DNAH12: variants seen among roughly 807,000 people sequenced by gnomAD.
The protein encoded by DNAH12 is dynein axonemal heavy chain 12.
A neutral mutation model predicts 371.5 loss-of-function variants in DNAH12; 285 were observed. The observed-to-expected ratio is 0.77, with a 90% CI of 0.70 to 0.85. DNAH12 has a LOEUF of 0.85. DNAH12 is among the 40% of genes least tolerant of loss of function. The probability of loss-of-function intolerance (pLI) is 0.00; values close to 1 mark genes in which losing one functional copy is unlikely to be tolerated. For missense variants in DNAH12, 3,611 were observed against 3,689.4 expected, an observed-to-expected ratio of 0.98 and a Z score of 0.55; for synonymous variants, 1,200 against 1,213.0, an observed-to-expected ratio of 0.99 and a Z score of 0.22.
chr3:57,419,502 C>A lies in DNAH12; in HGVS notation c.5579G>T (p.Arg1860Leu), dbSNP rs916811290. The A allele has an allele frequency of 7.7e-6, 11 of 1,431,990 alleles. No homozygotes were observed. Among genetic ancestry groups the A allele is most frequent in the East Asian group, 2.8e-5 (1 of 35,532 alleles). The allele number at this position is 1,431,990 out of a possible 1,614,324, so 88.7% of individuals were successfully genotyped here. A position where few individuals can be genotyped will look rare whatever the true frequency, so the allele number is the denominator to read the frequency against. The change falls in exon 37 of 74, where the codon CGC (arginine) becomes CTC (leucine). Residue 1860 changes from arginine to leucine, a missense_variant. Around this residue, in one of 3 missense-constraint regions of DNAH12, gnomAD observed 2,266 missense variants for 2,236.9 expected, o/e 1.01. Coordinates refer to ENST00000495027, the MANE Select transcript of DNAH12 (RefSeq NM_001366028.2). Reference protein sequence around the residue: ...DYMYELKNKGRWVHWNELIKN... With the variant: ...DYMYELKNKGLWVHWNELIKN... The stretch of plus-strand genomic sequence containing the variant: ...AATTAATTCATTCCAATGGACCCAG[C>A]GACCTTTGTTTTTCAACTACAAGAA...
intron 25 of DNAH12, among the ~76,000 whole-genome samples, chr3:57,451,962 G>A (rs1022382834): frequency 4.6e-5 from 7 of 152,138 alleles, no homozygotes; most frequent in African/African-American, 1.7e-4. Flanking sequence ...GTCAAGCTGC[G>A]TACTTGATCT....
chr3:57,312,752 T>C (rs919380404), intron 66 of DNAH12, among the ~76,000 whole-genome samples: 3 of 152,216 alleles, frequency 2.0e-5, no homozygotes, highest in African/African-American at 7.2e-5. Context: ...AACCAATGTT[T>C]AAAATCAACG....
chr3:57,458,036 G>A (rs2065950952), intron 21 of DNAH12, 33 bp from the exon 22 acceptor site: 2 of 1,540,472 alleles, frequency 1.3e-6, no homozygotes, highest in Non-Finnish European at 1.8e-6. Flanking sequence ...AAAAGTTTTA[G>A]TTATAATTCA....
In DNAH12 at chr3:57,301,719, CACACACACAT is replaced by C. The variant is rs2107654140; in HGVS notation, c.11394+6_11394+15del. The C allele has an allele frequency of 1.8e-6, 2 of 1,141,382 alleles. No individual in the cohort carries two copies. Among genetic ancestry groups the C allele is most frequent in the East Asian group, 6.2e-5 (2 of 32,020 alleles). The allele number at this position is 1,141,382 out of a possible 1,614,324, so 70.7% of individuals were successfully genotyped here. A position where few individuals can be genotyped will look rare whatever the true frequency, so the allele number is the denominator to read the frequency against. On this transcript the variant is annotated splice_donor_region_variant and intron_variant, in intron 70 of 73. Transcript: ENST00000495027. ...ACACACACACACACACACACACACACACACACACATTTTACCTGTAAAAAGTTCAACCGGG... is the reference window on the plus strand; with the variant it reads ...ACACACACACACACACACACACACACTTTACCTGTAAAAAGTTCAACCGGG...
chr3:57,406,238 C>T (rs1480064488), intron 40 of DNAH12, among the ~76,000 whole-genome samples: 1 of 151,522 alleles, frequency 6.6e-6, no homozygotes, highest in African/African-American at 2.4e-5. Context: ...GTAATCCCAG[C>T]TACGCAGGAG....
At position 57,356,269 on chromosome 3, in the gene DNAH12, C is replaced by T. The variant is rs1488796044; in HGVS notation, c.9533+907G>A. 2.6e-5 allele frequency among the ~76,000 whole-genome samples: 4 copies of T among 151,878 alleles called. No homozygotes were observed. The East Asian group carries it at 7.8e-4, about 30-fold the overall frequency. On this transcript the variant is annotated intron_variant, in intron 59 of 73. Transcript: ENST00000495027. ...CCAGCCTGGGCAACATGGTGAAACCCCATCTCTACAAAAAAATTCAAAAAT... is the reference window on the plus strand; with the variant it reads ...CCAGCCTGGGCAACATGGTGAAACCTCATCTCTACAAAAAAATTCAAAAAT...
At chr3:57,428,926 C>T (rs975417661) in intron 33 of DNAH12, 105 bp from the exon 34 acceptor site, 1 of 1,150,854 alleles carries the variant, frequency 8.7e-7, no homozygotes, top group Non-Finnish European at 1.2e-6. Flanking sequence ...TATAATCTAG[C>T]TCCCATCTGC....
intron 12 of DNAH12, 57 bp from the exon 13 acceptor site, chr3:57,483,568 A>G: frequency 1.2e-5 from 18 of 1,466,564 alleles, no homozygotes; most frequent in Non-Finnish European, 1.6e-5. Flanking sequence ...ATCATATTCA[A>G]TAAATGTGTG....
chr3:57,338,162 G>A (rs963378756), intron 60 of DNAH12, among the ~76,000 whole-genome samples: 1 of 152,126 alleles, frequency 6.6e-6, no homozygotes, highest in East Asian at 1.9e-4. Context: ...GCAGGCACGC[G>A]ACGCCATGCC....
At chr3:57,321,064 T>C (rs572755002) in intron 65 of DNAH12, among the ~76,000 whole-genome samples, 1 of 152,326 alleles carries the variant, frequency 6.6e-6, no homozygotes, top group South Asian at 2.1e-4. Context: ...CTCAGCACCA[T>C]TTTTATTTGA....
intron 13 of DNAH12, among the ~76,000 whole-genome samples, chr3:57,473,770 T>G (rs1342351004): frequency 6.6e-6 from 1 of 151,350 alleles, no homozygotes; most frequent in Admixed American, 6.6e-5. Flanking sequence ...TTTTGTACAT[T>G]CTATATATTA....
At chr3:57,301,967 C>G (rs1212694025) in intron 69 of DNAH12, 28 bp from the exon 70 acceptor site, 6 of 1,535,956 alleles carry the variant, frequency 3.9e-6, no homozygotes, top group Non-Finnish European at 5.3e-6. Flanking sequence ...ATGTCATCAA[C>G]ATATATGATG....
chr3:57,357,915 A>C (rs1256511503), intron 58 of DNAH12, among the ~76,000 whole-genome samples: 3 of 152,328 alleles, frequency 2.0e-5, no homozygotes. Flanking sequence ...AGCTTCTCAT[A>C]TGTTTAATTT....
chr3:57,331,896 T>C (rs2062106856), intron 62 of DNAH12, among the ~76,000 whole-genome samples: 1 of 152,130 alleles, frequency 6.6e-6, no homozygotes, highest in Non-Finnish European at 1.5e-5. Context: ...AAATTCCTCA[T>C]ACCCTGCCAT....
In DNAH12 at chr3:57,323,097, C is replaced by T; in HGVS notation, c.10293G>A (p.Met3431Ile). The T allele has an allele frequency of 6.4e-7, 1 of 1,552,416 alleles. No homozygotes were observed. Residue 3431 changes from methionine to isoleucine, a missense_variant, in exon 64 of 74, where the codon ATG becomes ATA. By Grantham distance (10) the Met-to-Ile change is conservative. Around this residue, in one of 3 missense-constraint regions of DNAH12, gnomAD observed 2,266 missense variants for 2,236.9 expected, o/e 1.01. Coordinates refer to ENST00000495027, the MANE Select transcript of DNAH12 (RefSeq NM_001366028.2). ...LQNCHLAVSW[M>I]PMLEKICEDF... ...CTTCACATATTTTTTCCAACATGGG[C>T]ATCCAGGACACTGCAAGATGGCAAT...
At chr3:57,505,468 T>C (rs1048438440) in intron 8 of DNAH12, among the ~76,000 whole-genome samples, 2 of 152,040 alleles carry the variant, frequency 1.3e-5, no homozygotes, top group Non-Finnish European at 1.5e-5. Context: ...TGAGACAGAG[T>C]CTCACTCTGT....
chr3:57,554,620 T>C, the DNAH12 span, among the ~76,000 whole-genome samples: 4 of 152,112 alleles, frequency 2.6e-5, no homozygotes, highest in African/African-American at 9.7e-5. Context: ...AAGACCTTTT[T>C]TTGTTTTGTT....
chr3:57,534,932 A>G (rs1186891267), intron 2 of DNAH12, among the ~76,000 whole-genome samples: 1 of 152,186 alleles, frequency 6.6e-6, no homozygotes, highest in Non-Finnish European at 1.5e-5. Flanking sequence ...TGGTTCCTTT[A>G]ATTATTCCTG....
intron 17 of DNAH12, among the ~76,000 whole-genome samples, chr3:57,468,303 A>G (rs1399363999): frequency 1.3e-5 from 2 of 152,138 alleles, no homozygotes; most frequent in Non-Finnish European, 2.9e-5. Context: ...GCCACTGCAC[A>G]GTCAACAGAG....
Sources: gnomAD v4.1 joint callset for allele counts (sites outside exome capture counted in the v4.1 genomes callset) on GRCh38, gnomAD v4.1.1 for gene constraint, gnomAD v4.1.1 regional missense constraint, MANE v1.5 for transcripts, NCBI Gene and HGNC (gene_info 2026-07-23, HGNC 2026-07-21) for gene names.